The following ILF2 variants were observed in gnomAD, a reference collection of about 807,000 sequenced individuals.
ILF2 encodes interleukin enhancer binding factor 2, also known as interleukin enhancer-binding factor 2.
Under a neutral mutation model 55.3 loss-of-function variants are expected in ILF2, and 9 were observed. The ratio of observed to expected loss-of-function variants is 0.16; its 90% CI spans 0.10 to 0.28. The LOEUF is 0.28. ILF2 is among the 10% of genes least tolerant of loss of function. ILF2 has a pLI of 1.00. For missense variants in ILF2, 266 were observed against 474.9 expected (o/e 0.56, Z 4.09); for synonymous variants, 151 against 161.8 (o/e 0.93, Z 0.50).
chr1:153,667,462 G>A, intron 6 of ILF2, 93 bp downstream of exon 6: 1 of 889,708 alleles, frequency 1.1e-6, no homozygotes, highest in Non-Finnish European at 1.9e-6. Context: ...CTGGCCAACG[G>A]AGGGAGAATT....
chr1:153,667,304 C>A lies in ILF2; in HGVS notation c.394+251G>T. 5.5e-6 allele frequency: 3 copies of A among 547,326 alleles called. No individual in the cohort carries two copies. The South Asian group carries it at 7.5e-5, about 14-fold the overall frequency. The allele number at this position is 547,326 out of a possible 1,614,324, so 33.9% of individuals were successfully genotyped here. ...ACCAGCCCGAGCAACACGGTGAAAC[C>A]CTGTATCTACAAAAAATACAAAAAT... On this transcript the variant is annotated intron_variant, in intron 6 of 13. Coordinates refer to ENST00000361891, the MANE Select transcript of ILF2 (RefSeq NM_004515.4).
Position 153,668,450 on chromosome 1 carries a change from T to C in ILF2, c.213+3A>G, listed in dbSNP as rs751051379. On this transcript the variant is annotated splice_donor_region_variant and intron_variant, in intron 4 of 13. Coordinates refer to ENST00000361891, the MANE Select transcript of ILF2 (RefSeq NM_004515.4). Reference sequence around the variant, plus strand: ...TTTCTGGAAGACAGCCAAAAGAACATACCTGTTCAGCAGAATTGGGAGCCA... The same window carrying C: ...TTTCTGGAAGACAGCCAAAAGAACACACCTGTTCAGCAGAATTGGGAGCCA... The C allele has an allele frequency of 1.6e-5, 26 of 1,614,088 alleles. No individual in the cohort carries two copies. In the East Asian group the frequency reaches 4.9e-4, roughly 30 times the overall value.
rs142248521 is a variant in ILF2 at position 153,665,284 on chromosome 1, A to G, written c.513T>C (p.Ala171=). The G allele has an allele frequency of 4.3e-5, 69 of 1,613,810 alleles. No homozygotes were observed. The highest frequency in any genetic ancestry group is 5.5e-5 in the Non-Finnish European group (65 of 1,179,782). ...ETGFEISSSD[A]TVKILITTVP... Reference sequence around the variant, plus strand: ...CTGTTGTAATGAGAATCTTCACTGTAGCATCAGAAGAACTGATTTCAAAGC... The same window carrying G: ...CTGTTGTAATGAGAATCTTCACTGTGGCATCAGAAGAACTGATTTCAAAGC... The change falls in exon 8 of 14, where the codon GCT becomes GCC. Residue 171 remains alanine, a synonymous_variant. Coordinates refer to ENST00000361891, the MANE Select transcript of ILF2 (RefSeq NM_004515.4).
chr1:153,669,781 G>A, intron 3 of ILF2, 55 bp downstream of exon 3: 2 of 1,368,580 alleles, frequency 1.5e-6, no homozygotes, highest in Non-Finnish European at 2.1e-6. Flanking sequence ...GGGAGATACT[G>A]GGCTCCATTT....
At position 153,669,977 on chromosome 1, in the gene ILF2, G is replaced by A. The variant is rs1308167891; in HGVS notation, c.66-99C>T. 5 of 1,145,232 alleles carry A rather than the reference G, an allele frequency of 4.4e-6. No individual in the cohort carries two copies. The African/African-American group carries it at 6.1e-5, about 14-fold the overall frequency. 70.9% of individuals were successfully genotyped at this position (1,145,232 alleles called of 1,614,324 possible). ...TTGAAAACATGTCAGTCCTCAGAAT[G>A]AGTGACAAAGTCTCCGGGGAGGGAA... On this transcript the variant is annotated intron_variant, in intron 2 of 13. Coordinates refer to ENST00000361891, the MANE Select transcript of ILF2 (RefSeq NM_004515.4).
chr1:153,668,889 C>A (rs1185027218), intron 3 of ILF2, among the ~76,000 whole-genome samples: 1 of 151,510 alleles, frequency 6.6e-6, no homozygotes, highest in Non-Finnish European at 1.5e-5. Flanking sequence ...CAGAGTGAGA[C>A]CCTGCCTCAA....
chr1:153,667,295 C>T lies in ILF2; in HGVS notation c.394+260G>A, dbSNP rs140710051. 8.7e-4 allele frequency: 459 copies of T among 526,288 alleles called. 1 individual carries two copies. The highest frequency in any genetic ancestry group is 7.6e-3 in the African/African-American group (401 of 52,432). 32.6% of individuals were successfully genotyped at this position (526,288 alleles called of 1,614,324 possible). On this transcript the variant is annotated intron_variant, in intron 6 of 13. Coordinates refer to ENST00000361891, the MANE Select transcript of ILF2 (RefSeq NM_004515.4). ...GAGTTTGAGACCAGCCCGAGCAACA[C>T]GGTGAAACCCTGTATCTACAAAAAA...
Position 153,664,564 on chromosome 1 carries a change from G to A in ILF2, c.578-90C>T, listed in dbSNP as rs927662939. 9 of 1,037,948 alleles carry A rather than the reference G, an allele frequency of 8.7e-6. No homozygotes were observed. The African/African-American group carries it at 1.4e-4, about 16-fold the overall frequency. 64.3% of individuals were successfully genotyped at this position (1,037,948 alleles called of 1,614,324 possible). ...TGCTACAGTCTTAAAAACTTGGAAG[G>A]AGGGCAGGATAGACGGAGTCTCGCT... is the stretch of plus-strand genomic sequence containing the variant. On this transcript the variant is annotated intron_variant, in intron 8 of 13. Transcript: ENST00000361891.
At position 153,663,176 on chromosome 1, in the gene ILF2, A is replaced by C. The variant is rs137944033; in HGVS notation, c.806+39T>G. On this transcript the variant is annotated intron_variant, in intron 11 of 13. Transcript: ENST00000361891. ...ATGAGGTATTAAAGGAATGCACAAA[A>C]TAGTTTACAACCAACCCTAAACCCA... is the stretch of plus-strand genomic sequence containing the variant. 525 of 1,613,998 alleles carry C rather than the reference A, an allele frequency of 3.3e-4. 3 individuals carry two copies. The African/African-American group carries it at 5.7e-3, about 18-fold the overall frequency.
chr1:153,669,407 ACT>A (rs1669389143), intron 3 of ILF2, among the ~76,000 whole-genome samples: 1 of 152,158 alleles, frequency 6.6e-6, no homozygotes, highest in Non-Finnish European at 1.5e-5. Context: ...CCATGCTTAC[ACT>A]GTTTCTGTAT....
intron 7 of ILF2, 58 bp downstream of exon 7, chr1:153,665,605 C>T: frequency 1.5e-6 from 2 of 1,363,470 alleles, no homozygotes; most frequent in East Asian, 2.3e-5. Context: ...AGTGTACTTA[C>T]AATTACAAGA....
chr1:153,662,635 A>G, intron 13 of ILF2, 70 bp downstream of exon 13: 2 of 1,570,070 alleles, frequency 1.3e-6, no homozygotes, highest in Non-Finnish European at 1.8e-6. Flanking sequence ...TATTAAAGAC[A>G]TTTAAGTAGT....
At chr1:153,663,156 G>A (rs779667640) in intron 11 of ILF2, 23 bp from the exon 12 acceptor site, 4 of 1,613,250 alleles carry the variant, frequency 2.5e-6, no homozygotes, top group Non-Finnish European at 3.4e-6. Flanking sequence ...GAGGTATGAG[G>A]TATTAAAGGA....
rs368972376 is a variant in ILF2 at position 153,663,166 on chromosome 1, A to G, written c.807-33T>C. The G allele has an allele frequency of 3.1e-6, 5 of 1,613,644 alleles. No homozygotes were observed. The African/African-American group carries it at 6.7e-5, about 22-fold the overall frequency. On this transcript the variant is annotated intron_variant, in intron 11 of 13. Transcript: ENST00000361891. ...ACAGGGAGGTATGAGGTATTAAAGG[A>G]ATGCACAAAATAGTTTACAACCAAC...
chr1:153,663,922 T>G (rs1015225991), intron 10 of ILF2, 121 bp downstream of exon 10: 8 of 489,358 alleles, frequency 1.6e-5, no homozygotes, highest in Non-Finnish European at 2.5e-5. Context: ...TCTTTTAAGC[T>G]TCACCAAATT....
chr1:153,666,617 G>A (rs140100398), intron 6 of ILF2, among the ~76,000 whole-genome samples: 1 of 152,288 alleles, frequency 6.6e-6, no homozygotes, highest in African/African-American at 2.4e-5. Context: ...CTCCCAAAGT[G>A]CTGGGAATAC....
chr1:153,662,239 A>C lies in ILF2; in HGVS notation c.*157T>G. On this transcript the variant is annotated 3_prime_UTR_variant, in exon 14 of 14. Coordinates refer to ENST00000361891, the MANE Select transcript of ILF2 (RefSeq NM_004515.4). ...AAATGGGAGACTGGCAGCTAAGCCA[A>C]TATCAAAACCCAGTGGAATGACACT... 1 of 879,922 alleles carries C rather than the reference A, an allele frequency of 1.1e-6. No individual in the cohort carries two copies. Among genetic ancestry groups the C allele is most frequent in the East Asian group, 2.4e-5 (1 of 40,938 alleles). The allele number at this position is 879,922 out of a possible 1,614,324, so 54.5% of individuals were successfully genotyped here.
chr1:153,669,918 A>C (rs1321389999), intron 2 of ILF2, 40 bp from the exon 3 acceptor site: 4 of 1,542,642 alleles, frequency 2.6e-6, no homozygotes, highest in Non-Finnish European at 3.6e-6. Flanking sequence ...CCTAGGTAGG[A>C]ATCAAGCGAG....
intron 10 of ILF2, 128 bp downstream of exon 10, chr1:153,663,909 ATTTCTT>A (rs1571334245): frequency 2.1e-6 from 1 of 466,810 alleles, no homozygotes; most frequent in Non-Finnish European, 3.9e-6. Flanking sequence ...TACCAATAAA[ATTTCTT>A]TTAAGCTTCA....
Sources: gnomAD v4.1 joint callset for allele counts (sites outside exome capture counted in the v4.1 genomes callset) on GRCh38, gnomAD v4.1.1 for gene constraint, MANE v1.5 for transcripts, NCBI Gene and HGNC (gene_info 2026-07-23, HGNC 2026-07-21) for gene names.